PLPP4: variants seen among roughly 807,000 people sequenced by gnomAD.
The protein encoded by PLPP4 is diacylglycerol pyrophosphate like 2.
Under a neutral mutation model 32.2 loss-of-function variants are expected in PLPP4, and 20 were observed. The ratio of observed to expected loss-of-function variants is 0.62; its 90% CI spans 0.44 to 0.90. PLPP4 has a LOEUF of 0.90. Ranked by LOEUF, PLPP4 falls within the 40% of genes least tolerant of loss-of-function variation. The pLI is 0.00. For synonymous variants in PLPP4, 127 were observed against 133.0 expected (o/e 0.95, Z 0.31); for missense variants, 257 against 353.1 (o/e 0.73, Z 2.18).
intron 1 of PLPP4, among the ~76,000 whole-genome samples, chr10:120,499,309 A>G (rs903436132): frequency 6.6e-6 from 1 of 151,698 alleles, no homozygotes; most frequent in Non-Finnish European, 1.5e-5. Context: ...CTCCCCCATG[A>G]CACAAGTGGT....
rs1846132108 is a variant in PLPP4, at chr10:120,521,044, C to A, written c.394C>A (p.Pro132Thr). ...MNSEMHCTGDPDLVSEGRKSF... is the reference protein window; with the variant it reads ...MNSEMHCTGDTDLVSEGRKSF... ...CTCGGAAATGCATTGCACAGGTGACCCCGATCTGGTGTCCGAGGGCCGCAA... is the reference window on the plus strand; with the variant it reads ...CTCGGAAATGCATTGCACAGGTGACACCGATCTGGTGTCCGAGGGCCGCAA... Residue 132 changes from proline (P) to threonine (T), a missense_variant, in exon 5 of 7, where the codon CCC (proline) becomes ACC (threonine). Pro to Thr is a conservative substitution (Grantham distance 38). Coordinates refer to ENST00000398250, the MANE Select transcript of PLPP4 (RefSeq NM_001030059.3). The A allele has an allele frequency of 6.2e-7, 1 of 1,613,958 alleles. No individual in the cohort carries two copies. Among genetic ancestry groups the A allele is most frequent in the African/African-American group, 1.3e-5 (1 of 74,886 alleles).
intron 1 of PLPP4, among the ~76,000 whole-genome samples, chr10:120,495,535 C>G (rs1248732339): frequency 6.6e-6 from 1 of 152,154 alleles, no homozygotes; most frequent in African/African-American, 2.4e-5. Flanking sequence ...GAGAGGCTGA[C>G]TAGGGAGGAA....
At chr10:120,534,475 A>G (rs1846901921) in intron 5 of PLPP4, among the ~76,000 whole-genome samples, 1 of 152,032 alleles carries the variant, frequency 6.6e-6, no homozygotes, top group South Asian at 2.1e-4. Flanking sequence ...TGTATACATT[A>G]ATGTTTATCA....
intron 2 of PLPP4, among the ~76,000 whole-genome samples, chr10:120,511,028 G>C (rs981647104): frequency 6.6e-6 from 1 of 152,214 alleles, no homozygotes; most frequent in Non-Finnish European, 1.5e-5. Flanking sequence ...GATATGGGGA[G>C]CCTTGGGCCC....
chr10:120,567,304 T>C (rs1848736157), intron 5 of PLPP4, among the ~76,000 whole-genome samples: 1 of 152,256 alleles, frequency 6.6e-6, no homozygotes, highest in Non-Finnish European at 1.5e-5. Flanking sequence ...CCAGATTCTG[T>C]ATTCAATATT....
chr10:120,564,441 G>A (rs972093041), intron 5 of PLPP4, among the ~76,000 whole-genome samples: 1 of 151,750 alleles, frequency 6.6e-6, no homozygotes, highest in African/African-American at 2.4e-5. Flanking sequence ...TTTTAAAATT[G>A]TTGGACACAA....
chr10:120,480,304 A>G (rs1462956009), intron 1 of PLPP4, among the ~76,000 whole-genome samples: 3 of 152,208 alleles, frequency 2.0e-5, no homozygotes, highest in African/African-American at 7.2e-5. Flanking sequence ...GAGTGCATCC[A>G]AGGATTATTG....
At chr10:120,538,038 C>CTGTG (rs1564825114) in intron 5 of PLPP4, among the ~76,000 whole-genome samples, 1 of 48,044 alleles carries the variant, frequency 2.1e-5, no homozygotes, top group South Asian at 7.7e-4. Flanking sequence ...CTCTCTCTCT[C>CTGTG]TCTCTCTCTC....
At chr10:120,540,679 C>T (rs1321268263) in intron 5 of PLPP4, among the ~76,000 whole-genome samples, 1 of 152,174 alleles carries the variant, frequency 6.6e-6, no homozygotes, top group South Asian at 2.1e-4. Flanking sequence ...CCCTGATGGA[C>T]AGCAATGGAC....
chr10:120,458,331 A>G lies in PLPP4; in HGVS notation c.56+970A>G, dbSNP rs534572803. 2.6e-5 allele frequency among the ~76,000 whole-genome samples: 4 copies of G among 152,294 alleles called. No homozygotes were observed. In the East Asian group the frequency reaches 7.7e-4, roughly 29 times the overall value. On this transcript the variant is annotated intron_variant, in intron 1 of 6. Transcript: ENST00000398250. ...GGATGTTTTCTGCCACATTCTAAGT[A>G]TTAAAGTTACATGAACTTTTTGGAT...
rs535348011 is a variant in PLPP4, at chr10:120,578,219, G to C, written c.616+2918G>C. ...TGTTCATTCAATACTCAATTATTAA[G>C]GGAGAAATCAAGGAGACCTCAAAGG... On this transcript the variant is annotated intron_variant, in intron 6 of 6. Coordinates refer to ENST00000398250, the MANE Select transcript of PLPP4 (RefSeq NM_001030059.3). Among the ~76,000 whole-genome samples, 105 of 152,348 alleles carry C rather than the reference G, an allele frequency of 6.9e-4. 2 individuals are homozygous for C. The highest frequency in any genetic ancestry group is 1.3e-3 in the Non-Finnish European group (87 of 68,038).
intron 5 of PLPP4, among the ~76,000 whole-genome samples, chr10:120,549,676 G>T (rs1392698925): frequency 6.6e-6 from 1 of 151,936 alleles, no homozygotes; most frequent in Admixed American, 6.6e-5. Context: ...ACTAATTCCA[G>T]AAATGCAGTT....
intron 5 of PLPP4, among the ~76,000 whole-genome samples, chr10:120,550,462 T>A (rs891361370): frequency 1.3e-5 from 2 of 151,880 alleles, no homozygotes; most frequent in Non-Finnish European, 2.9e-5. Flanking sequence ...CCAAAGGACC[T>A]AGGATAGCCG....
chr10:120,489,112 A>G (rs905811978), intron 1 of PLPP4, among the ~76,000 whole-genome samples: 2 of 152,146 alleles, frequency 1.3e-5, no homozygotes, highest in African/African-American at 2.4e-5. Context: ...ATGAATAAGG[A>G]GCGGTTCAGG....
At chr10:120,510,219 A>G (rs1845670110) in intron 2 of PLPP4, among the ~76,000 whole-genome samples, 1 of 152,136 alleles carries the variant, frequency 6.6e-6, no homozygotes, top group Non-Finnish European at 1.5e-5. Context: ...TACTCATAAC[A>G]AGTGAGCAGA....
chr10:120,548,844 T>C (rs376591010), intron 5 of PLPP4, among the ~76,000 whole-genome samples: 1 of 152,166 alleles, frequency 6.6e-6, no homozygotes, highest in African/African-American at 2.4e-5. Flanking sequence ...GAGCATTTTT[T>C]CATATGCTTT....
In PLPP4 at chr10:120,466,195, C is replaced by A. The variant is rs190315156; in HGVS notation, c.56+8834C>A. ...TGTAGAAAGCATGTAATGGGCCTGG[C>A]AAGTGACAGGGCCTGGCAAATGGGT... On this transcript the variant is annotated intron_variant, in intron 1 of 6. Transcript: ENST00000398250. Among the ~76,000 whole-genome samples, 7 of 152,252 alleles carry A rather than the reference C, an allele frequency of 4.6e-5. No homozygotes were observed. In the East Asian group the frequency reaches 1.4e-3, roughly 29 times the overall value.
chr10:120,590,767 C>CTTT lies in PLPP4; in HGVS notation c.*1281_*1283dup, dbSNP rs11420059. Among the ~76,000 whole-genome samples, 24 of 126,182 alleles carry CTTT rather than the reference C, an allele frequency of 1.9e-4. No homozygotes were observed. The highest frequency in any genetic ancestry group is 1.2e-3 in the East Asian group (5 of 4,072). 82.8% of individuals were successfully genotyped at this position (126,182 alleles called of 152,430 possible). A position where few individuals can be genotyped will look rare whatever the true frequency, so the allele number is the denominator to read the frequency against. ...TGCATCTTTGCTATCCAGAGTGTCA[C>CTTT]TTTTTTTTTTTTTTTTTTGAGATGG... On this transcript the variant is annotated 3_prime_UTR_variant, in exon 7 of 7. Coordinates refer to ENST00000398250, the MANE Select transcript of PLPP4 (RefSeq NM_001030059.3).
chr10:120,460,172 T>A (rs1847977968), intron 1 of PLPP4, among the ~76,000 whole-genome samples: 1 of 152,112 alleles, frequency 6.6e-6, no homozygotes, highest in Non-Finnish European at 1.5e-5. Flanking sequence ...AGGAACCCAG[T>A]GTTTAGGAAA....
Sources: allele counts gnomAD v4.1 joint callset (sites outside exome capture counted in the v4.1 genomes callset), GRCh38; gene constraint gnomAD v4.1.1; transcripts MANE v1.5; gene names NCBI Gene and HGNC (gene_info 2026-07-23, HGNC 2026-07-21).